The following RASAL2 variants were observed in gnomAD, a reference collection of about 807,000 sequenced individuals.
RASAL2 encodes ras GTPase-activating protein nGAP.
RASAL2 carries 58 observed loss-of-function variants against 128.9 expected under a neutral mutation model. That is an observed-to-expected ratio of 0.45 (90% confidence interval 0.36 to 0.56). The LOEUF is 0.56. RASAL2 is among the 20% of genes least tolerant of loss of function. The pLI, the probability that RASAL2 is intolerant of heterozygous loss-of-function variation, is 0.00. For missense variants in RASAL2, 1,360 were observed against 1,601.6 expected (o/e 0.85, Z 2.57); for synonymous variants, 561 against 580.8 (o/e 0.97, Z 0.49).
intron 5 of RASAL2, among the ~76,000 whole-genome samples, chr1:178,422,135 A>T (rs939859793): frequency 1.3e-5 from 2 of 151,630 alleles, no homozygotes; most frequent in Non-Finnish European, 2.9e-5. Context: ...TTTTTTTTTT[A>T]AAGTTTACAT....
At position 178,458,478 on chromosome 1, in the gene RASAL2, G is replaced by A. The variant is rs745799619; in HGVS notation, c.3186G>A (p.Gln1062=). The change falls in exon 14 of 18, where the codon CAG becomes CAA. Residue 1062 remains glutamine (Q), a synonymous_variant. Transcript: ENST00000367649. ...AGAATGGGAGCCGGTCCCGGCAGCAGTCCTCTTCCTCCAGAGAGAGCCCTG... is the reference window on the plus strand; with the variant it reads ...AGAATGGGAGCCGGTCCCGGCAGCAATCCTCTTCCTCCAGAGAGAGCCCTG... The part of the protein sequence containing the change: ...PVQNGSRSRQ[Q]SSSSRESPVP... The A allele has an allele frequency of 1.2e-5, 20 of 1,614,138 alleles. No individual in the cohort carries two copies. Among genetic ancestry groups the A allele is most frequent in the Middle Eastern group, 1.7e-4 (1 of 6,060 alleles).
At chr1:178,293,631 AC>A (rs1667375429) in intron 2 of RASAL2, among the ~76,000 whole-genome samples, 1 of 152,268 alleles carries the variant, frequency 6.6e-6, no homozygotes, top group Non-Finnish European at 1.5e-5. Flanking sequence ...TCATATACTT[AC>A]CAGCTTCCTG....
intron 1 of RASAL2, among the ~76,000 whole-genome samples, chr1:178,133,319 G>T (rs1660190697): frequency 6.6e-6 from 1 of 152,142 alleles, no homozygotes; most frequent in African/African-American, 2.4e-5. Context: ...CAAAAAGCCT[G>T]TTATCTGCCT....
At chr1:178,286,769 T>C (rs756246435) in intron 2 of RASAL2, among the ~76,000 whole-genome samples, 13 of 152,174 alleles carry the variant, frequency 8.5e-5, no homozygotes, top group Non-Finnish European at 1.8e-4. Flanking sequence ...CCTGGGCCAT[T>C]ATTATCTCCA....
At chr1:178,411,708 A>G (rs907741929) in intron 4 of RASAL2, 1 of 811,680 alleles carries the variant, frequency 1.2e-6, no homozygotes, top group South Asian at 1.3e-5. Flanking sequence ...TTTCTGGCAA[A>G]GAAACCATCT....
At chr1:178,234,666 A>G (rs1451236058) in intron 1 of RASAL2, among the ~76,000 whole-genome samples, 1 of 152,120 alleles carries the variant, frequency 6.6e-6, no homozygotes, top group Non-Finnish European at 1.5e-5. Flanking sequence ...ATGTTTTTTA[A>G]AAAACCTTAG....
chr1:178,440,037 G>A lies in RASAL2; in HGVS notation c.828+462G>A, dbSNP rs183678589. On this transcript the variant is annotated intron_variant, in intron 6 of 17. Transcript: ENST00000367649. The stretch of plus-strand genomic sequence containing the variant: ...AATTCCAGGACATTTTGACCTAAAT[G>A]TCTTATTTATTTTTGAAATCCCCTG... 4.9e-3 allele frequency among the ~76,000 whole-genome samples: 717 copies of A among 146,520 alleles called. 9 individuals carry two copies. Among genetic ancestry groups the A allele is most frequent in the African/African-American group, 0.018 (684 of 37,158 alleles).
In RASAL2 at chr1:178,419,050, A is replaced by T. The variant is rs531078271; in HGVS notation, c.565-1461A>T. Among the ~76,000 whole-genome samples, 17 of 152,286 alleles carry T rather than the reference A, an allele frequency of 1.1e-4. No individual in the cohort carries two copies. The South Asian group carries it at 3.5e-3, about 32-fold the overall frequency. On this transcript the variant is annotated intron_variant, in intron 4 of 17. Transcript: ENST00000367649. ...GATAATCATAACCTAGCTTATCCTG[A>T]TAAATATAGCCTTCACCCCAAAACA...
In RASAL2 at chr1:178,094,389, C is replaced by T. The variant is rs903321045; in HGVS notation, c.-104C>T. On this transcript the variant is annotated 5_prime_UTR_variant, in exon 1 of 18. Transcript: ENST00000367649. Reference sequence around the variant, plus strand: ...GCCGGCTGCCGCTCGGGTCCCTGCCCTCGCTGCGCGCTCTCCTCCTCCCCT... The same window carrying T: ...GCCGGCTGCCGCTCGGGTCCCTGCCTTCGCTGCGCGCTCTCCTCCTCCCCT... 64 of 1,145,896 alleles carry T rather than the reference C, an allele frequency of 5.6e-5. No individual in the cohort carries two copies. The highest frequency in any genetic ancestry group is 2.5e-4 in the Admixed American group (8 of 31,570). 71.0% of individuals were successfully genotyped at this position (1,145,896 alleles called of 1,614,324 possible).
At chr1:178,138,680 T>G (rs1270472466) in intron 1 of RASAL2, among the ~76,000 whole-genome samples, 1 of 152,186 alleles carries the variant, frequency 6.6e-6, no homozygotes, top group African/African-American at 2.4e-5. Context: ...GATTGCTGTA[T>G]TTTACTATCA....
At chr1:178,203,875 A>C (rs1439948419) in intron 1 of RASAL2, among the ~76,000 whole-genome samples, 2 of 152,204 alleles carry the variant, frequency 1.3e-5, no homozygotes, top group African/African-American at 4.8e-5. Flanking sequence ...GATTAAGGTC[A>C]ATGGGAAACT....
At chr1:178,375,970 G>A (rs1206660496) in intron 3 of RASAL2, among the ~76,000 whole-genome samples, 1 of 152,078 alleles carries the variant, frequency 6.6e-6, no homozygotes, top group Non-Finnish European at 1.5e-5. Context: ...GCATCTGTAG[G>A]TCATCTGCTA....
At chr1:178,427,531 A>G (rs1431791362) in intron 5 of RASAL2, among the ~76,000 whole-genome samples, 1 of 152,180 alleles carries the variant, frequency 6.6e-6, no homozygotes, top group African/African-American at 2.4e-5. Flanking sequence ...GGTAGGTGGA[A>G]TTATGGAACA....
chr1:178,251,970 G>T (rs2102089014), intron 1 of RASAL2, among the ~76,000 whole-genome samples: 1 of 152,250 alleles, frequency 6.6e-6, no homozygotes, highest in African/African-American at 2.4e-5. Flanking sequence ...GATCAGAAAA[G>T]ATATACACAT....
chr1:178,120,105 G>T (rs1329945424), intron 1 of RASAL2, among the ~76,000 whole-genome samples: 1 of 152,176 alleles, frequency 6.6e-6, no homozygotes, highest in Non-Finnish European at 1.5e-5. Flanking sequence ...AACTCCAAAG[G>T]CTTGTGTTTT....
rs755081807 is a variant in RASAL2 at position 178,478,253 on chromosome 1, G to T, written c.*5014G>T. The T allele has an allele frequency of 6.6e-6, 1 of 152,030 alleles. No individual in the cohort carries two copies. Among genetic ancestry groups the T allele is most frequent in the Non-Finnish European group, 1.5e-5 (1 of 68,002 alleles). 9.4% of individuals were successfully genotyped at this position (152,030 alleles called of 1,614,324 possible). A position where few individuals can be genotyped will look rare whatever the true frequency, so the allele number is the denominator to read the frequency against. ...AGGGACCTCCATCATCTTTGTGGGG[G>T]TACAGATATTTATGTGTAAATATCA... On this transcript the variant is annotated 3_prime_UTR_variant, in exon 18 of 18. Coordinates refer to ENST00000367649, the MANE Select transcript of RASAL2 (RefSeq NM_170692.4).
At chr1:178,235,694 A>G (rs998463916) in intron 1 of RASAL2, among the ~76,000 whole-genome samples, 1 of 152,136 alleles carries the variant, frequency 6.6e-6, no homozygotes, top group Non-Finnish European at 1.5e-5. Flanking sequence ...TGTTTATTAT[A>G]AAGACCGGAT....
intron 2 of RASAL2, 113 bp from the exon 3 acceptor site, chr1:178,299,879 G>C: frequency 1.9e-6 from 2 of 1,047,476 alleles, no homozygotes; most frequent in Non-Finnish European, 2.8e-6. Context: ...TATTTCTCCT[G>C]CCTTACTCTT....
intron 4 of RASAL2, among the ~76,000 whole-genome samples, chr1:178,403,585 G>A (rs903404313): frequency 6.6e-6 from 1 of 152,064 alleles, no homozygotes; most frequent in Non-Finnish European, 1.5e-5. Context: ...TCAAGAATTG[G>A]TACTTGAAAT....
Sources: allele counts gnomAD v4.1 joint callset (sites outside exome capture counted in the v4.1 genomes callset), GRCh38; gene constraint gnomAD v4.1.1; transcripts MANE v1.5; gene names NCBI Gene and HGNC (gene_info 2026-07-23, HGNC 2026-07-21).